The following ZNF782 variants were observed in gnomAD, a reference collection of about 807,000 sequenced individuals.
ZNF782 encodes zinc finger protein 782.
ZNF782 carries 12 observed loss-of-function variants against 13.0 expected under a neutral mutation model. The ratio of observed to expected loss-of-function variants is 0.92; its 90% CI spans 0.59 to 1.50. ZNF782 has a LOEUF of 1.50. Ranked by LOEUF, ZNF782 falls within the 40% of genes most tolerant of loss-of-function variation. The probability of loss-of-function intolerance (pLI) is 0.00; values close to 1 mark genes in which losing one functional copy is unlikely to be tolerated. For missense variants in ZNF782, 770 were observed against 822.9 expected (o/e 0.94, Z 0.79); for synonymous variants, 284 against 283.0 (o/e 1.00, Z -0.04).
At chr9:96,868,611 C>T (rs938243128) in intron 1 of ZNF782, among the ~76,000 whole-genome samples, 1 of 152,186 alleles carries the variant, frequency 6.6e-6, no homozygotes, top group African/African-American at 2.4e-5. Flanking sequence ...TTCAACTATG[C>T]CTTTGAAAAG....
chr9:96,823,665 T>C (rs910099340), intron 5 of ZNF782, among the ~76,000 whole-genome samples: 3 of 152,234 alleles, frequency 2.0e-5, no homozygotes, highest in Non-Finnish European at 4.4e-5. Context: ...CACTGAATTA[T>C]TTTAGTTTAT....
the ZNF782 span, among the ~76,000 whole-genome samples, chr9:96,920,902 G>A: frequency 1.4e-5 from 2 of 140,960 alleles, no homozygotes; most frequent in East Asian, 2.2e-4. Context: ...GCAACAGAGC[G>A]AGACTCCATC....
At chr9:96,889,190 G>A in the ZNF782 span, 1 of 152,290 alleles carries the variant, frequency 6.6e-6, no homozygotes, top group Middle Eastern at 3.4e-3. Flanking sequence ...CCTTCACCAA[G>A]CGAAATGCTG....
At chr9:96,822,458 A>G (rs533714737) in intron 5 of ZNF782, among the ~76,000 whole-genome samples, 1 of 152,228 alleles carries the variant, frequency 6.6e-6, no homozygotes, top group Non-Finnish European at 1.5e-5. Context: ...GAGTTTACAA[A>G]AAGAAGAGAT....
At chr9:96,862,937 A>G (rs2118864671) in intron 1 of ZNF782, among the ~76,000 whole-genome samples, 1 of 152,306 alleles carries the variant, frequency 6.6e-6, no homozygotes, top group African/African-American at 2.4e-5. Flanking sequence ...GAAAATACAC[A>G]GGGAAATGTG....
chr9:96,849,419 T>C (rs765294878), intron 3 of ZNF782, among the ~76,000 whole-genome samples: 3 of 152,178 alleles, frequency 2.0e-5, no homozygotes, highest in Non-Finnish European at 2.9e-5. Context: ...GATTGGGGAC[T>C]CCTGTCCTAT....
At chr9:96,823,498 ACTGT>A (rs35046416) in intron 5 of ZNF782, among the ~76,000 whole-genome samples, 4,390 of 152,188 alleles carry the variant, frequency 0.029, 198 homozygotes, top group African/African-American at 0.098. Flanking sequence ...TCCTTTTAAA[ACTGT>A]CTATTTTAGC....
intron 5 of ZNF782, among the ~76,000 whole-genome samples, chr9:96,826,405 T>G (rs1170182037): frequency 3.5e-5 from 5 of 144,404 alleles, no homozygotes; most frequent in African/African-American, 7.8e-5. Context: ...GTTGTGGGGT[T>G]GGGGGAGGGG....
chr9:96,921,696 AT>A, the ZNF782 span, among the ~76,000 whole-genome samples: 122 of 136,212 alleles, frequency 9.0e-4, no homozygotes, highest in Middle Eastern at 3.7e-3. Context: ...CCCCATCTCT[AT>A]TTTTTTTTTT....
chr9:96,880,285 A>G (rs947492617), upstream of ZNF782, among the ~76,000 whole-genome samples: 1 of 151,690 alleles, frequency 6.6e-6, no homozygotes, highest in Admixed American at 6.6e-5. Flanking sequence ...CTTTTCTTAC[A>G]TTATTGTAAT....
intron 4 of ZNF782, among the ~76,000 whole-genome samples, chr9:96,841,035 A>G (rs185395812): frequency 7.6e-4 from 116 of 152,116 alleles, no homozygotes; most frequent in Non-Finnish European, 1.5e-3. Flanking sequence ...AAGAGCAAGA[A>G]GACAGAAATG....
upstream of ZNF782, among the ~76,000 whole-genome samples, chr9:96,877,903 C>G (rs76098183): frequency 9.3e-3 from 1,411 of 152,324 alleles, 54 homozygotes; most frequent in East Asian, 0.1. Context: ...TTATTAAATA[C>G]AGTCTTCCAT....
At chr9:96,827,030 T>A in intron 5 of ZNF782, 50 bp downstream of exon 5, 4 of 1,205,602 alleles carry the variant, frequency 3.3e-6, no homozygotes, top group Non-Finnish European at 4.8e-6. Flanking sequence ...GTTGTGTGAG[T>A]ACTCCTAGTG....
At chr9:96,838,452 G>C (rs1851073206) in intron 4 of ZNF782, among the ~76,000 whole-genome samples, 1 of 152,174 alleles carries the variant, frequency 6.6e-6, no homozygotes, top group South Asian at 2.1e-4. Context: ...AATACTGACA[G>C]AGCGGTGTTT....
intron 5 of ZNF782, among the ~76,000 whole-genome samples, chr9:96,826,078 T>A (rs1036151739): frequency 1.4e-4 from 22 of 152,254 alleles, no homozygotes; most frequent in African/African-American, 5.1e-4. Flanking sequence ...TAAATCATGC[T>A]GTTATAAAGA....
At chr9:96,847,016 A>G (rs1041785772) in intron 3 of ZNF782, among the ~76,000 whole-genome samples, 2 of 152,218 alleles carry the variant, frequency 1.3e-5, no homozygotes, top group Non-Finnish European at 2.9e-5. Context: ...GAATAAAACT[A>G]GGGATGAACT....
At position 96,818,860 on chromosome 9, in the gene ZNF782, T is replaced by G; in HGVS notation, c.1163A>C (p.His388Pro). Residue 388 changes from histidine to proline, a missense_variant, in exon 6 of 6, where the codon CAC (histidine) becomes CCC (proline). Coordinates refer to ENST00000481138, the MANE Select transcript of ZNF782 (RefSeq NM_001001662.3). Reference protein sequence around the residue: ...NSHLIWPQKSHTGEKPYECPE... With the variant: ...NSHLIWPQKSPTGEKPYECPE... ...ACATTCATAGGGTTTCTCCCCTGTG[T>G]GACTTTTCTGAGGCCAAATCAAGTG... 1 of 1,614,224 alleles carries G rather than the reference T, an allele frequency of 6.2e-7. No individual in the cohort carries two copies. The highest frequency in any genetic ancestry group is 8.5e-7 in the Non-Finnish European group (1 of 1,180,026).
At chr9:96,933,373 T>TTTTG in the ZNF782 span, 4,222 of 151,508 alleles carry the variant, frequency 0.028, 194 homozygotes, top group African/African-American at 0.096. Context: ...TTTAGGTCTT[T>TTTTG]TTTGTTTGTT....
At chr9:96,827,312 C>G in intron 4 of ZNF782, 131 bp from the exon 5 acceptor site, 1 of 518,762 alleles carries the variant, frequency 1.9e-6, no homozygotes, top group Non-Finnish European at 3.3e-6. Context: ...GAAGTAACCA[C>G]AAAAAACATT....
Sources: gnomAD v4.1 joint callset for allele counts (sites outside exome capture counted in the v4.1 genomes callset) on GRCh38, gnomAD v4.1.1 for gene constraint, MANE v1.5 for transcripts, NCBI Gene and HGNC (gene_info 2026-07-23, HGNC 2026-07-21) for gene names.